PKHD1: variants seen among roughly 807,000 people sequenced by gnomAD.
PKHD1 encodes the protein PKHD1 ciliary IPT domain containing fibrocystin/polyductin, also known as fibrocystin.
PKHD1 carries 291 observed loss-of-function variants against 412.0 expected under a neutral mutation model. The observed-to-expected ratio is 0.71, with a 90% CI of 0.64 to 0.78. The LOEUF is 0.78. PKHD1 is among the 30% of genes least tolerant of loss of function. PKHD1 has a pLI of 0.00. For synonymous variants in PKHD1, 1,777 were observed against 1,821.5 expected, an observed-to-expected ratio of 0.98 and a Z score of 0.62; for missense variants, 4,825 against 4,950.7, an observed-to-expected ratio of 0.97 and a Z score of 0.76.
chr6:51,776,938 T>C (rs1050539578), intron 53 of PKHD1, among the ~76,000 whole-genome samples: 4 of 152,044 alleles, frequency 2.6e-5, no homozygotes, highest in Non-Finnish European at 5.9e-5. Context: ...TTAGTGAGTA[T>C]GGACCTGAGG....
intron 60 of PKHD1, among the ~76,000 whole-genome samples, chr6:51,682,515 G>A (rs1776824714): frequency 6.6e-6 from 1 of 152,030 alleles, no homozygotes; most frequent in Non-Finnish European, 1.5e-5. Context: ...TCTAGTCTCT[G>A]AGAATGAGTT....
At chr6:51,941,905 T>C (rs1788648227) in intron 36 of PKHD1, among the ~76,000 whole-genome samples, 1 of 151,542 alleles carries the variant, frequency 6.6e-6, no homozygotes, top group South Asian at 2.1e-4. Flanking sequence ...ATTACTTCAG[T>C]CAAGCCCAAA....
At chr6:51,895,353 T>C (rs569295164) in intron 43 of PKHD1, among the ~76,000 whole-genome samples, 1 of 152,210 alleles carries the variant, frequency 6.6e-6, no homozygotes, top group Non-Finnish European at 1.5e-5. Context: ...AAAAAAAGAC[T>C]GAATAACAGA....
At chr6:51,857,564 GAGGC>G (rs1412278625) in intron 48 of PKHD1, among the ~76,000 whole-genome samples, 2 of 152,124 alleles carry the variant, frequency 1.3e-5, no homozygotes, top group Non-Finnish European at 1.5e-5. Context: ...TTTTAAAATG[GAGGC>G]AACAATAGAA....
rs554906678 is a variant in PKHD1 at position 51,969,765 on chromosome 6, A to G, written c.5752-9739T>C. 5.9e-5 allele frequency among the ~76,000 whole-genome samples: 9 copies of G among 152,096 alleles called. No homozygotes were observed. In the East Asian group the frequency reaches 1.7e-3, roughly 29 times the overall value. ...AGAATTCCAATGTATGTGTGTATAT[A>G]TATGTGTACACACACACACACACAT... On this transcript the variant is annotated intron_variant, in intron 35 of 66. Coordinates refer to ENST00000371117, the MANE Select transcript of PKHD1 (RefSeq NM_138694.4).
chr6:51,921,453 C>T (rs1368741632), intron 37 of PKHD1, among the ~76,000 whole-genome samples: 4 of 152,090 alleles, frequency 2.6e-5, no homozygotes, highest in Admixed American at 2.0e-4. Flanking sequence ...CTCTGTATTT[C>T]CTGAATTTGA....
intron 63 of PKHD1, among the ~76,000 whole-genome samples, chr6:51,641,673 A>G (rs1562007052): frequency 6.6e-6 from 1 of 152,256 alleles, no homozygotes; most frequent in African/African-American, 2.4e-5. Context: ...CTGGATAAAG[A>G]AAATGTGGCA....
At chr6:51,864,200 T>C (rs965247) in intron 48 of PKHD1, among the ~76,000 whole-genome samples, 140,173 of 152,110 alleles carry the variant, frequency 0.92, 64,793 homozygotes, top group East Asian at 0.99. Context: ...AGCAGAGTGC[T>C]GAGAGATAAT....
intron 60 of PKHD1, among the ~76,000 whole-genome samples, chr6:51,663,040 G>A (rs953533942): frequency 1.3e-5 from 2 of 151,952 alleles, no homozygotes; most frequent in African/African-American, 4.8e-5. Flanking sequence ...GTCTTCAGAA[G>A]CATGGATCCA....
chr6:51,811,546 T>C (rs1203466251), intron 52 of PKHD1, among the ~76,000 whole-genome samples: 2 of 152,160 alleles, frequency 1.3e-5, no homozygotes, highest in Non-Finnish European at 2.9e-5. Flanking sequence ...AAGGAACATC[T>C]TAGCATGGCA....
chr6:52,039,468 G>C (rs1379325425), intron 27 of PKHD1, among the ~76,000 whole-genome samples: 1 of 152,208 alleles, frequency 6.6e-6, no homozygotes, highest in Non-Finnish European at 1.5e-5. Context: ...AGATGTGCTT[G>C]CTTCCCCTTC....
At chr6:52,067,850 G>A (rs940055302) in intron 11 of PKHD1, among the ~76,000 whole-genome samples, 4 of 152,236 alleles carry the variant, frequency 2.6e-5, no homozygotes, top group Admixed American at 2.6e-4. Context: ...AGCCATAAGA[G>A]GATGGTGAAT....
Position 51,659,975 on chromosome 6 carries a change from A to G in PKHD1, c.10157-6T>C, listed in dbSNP as rs1402532561. On this transcript the variant is annotated splice_region_variant and splice_polypyrimidine_tract_variant and intron_variant, in intron 60 of 66. Coordinates refer to ENST00000371117, the MANE Select transcript of PKHD1 (RefSeq NM_138694.4). The stretch of plus-strand genomic sequence containing the variant: ...CTGTTCTTCTCTAAATGTACCTATA[A>G]AAGAAAAGAAGCAAAACAAGTGATA... The G allele has an allele frequency of 6.4e-7, 1 of 1,567,092 alleles. No homozygotes were observed. The highest frequency in any genetic ancestry group is 8.8e-7 in the Non-Finnish European group (1 of 1,138,496).
At chr6:51,882,870 T>C (rs1385499825) in intron 46 of PKHD1, among the ~76,000 whole-genome samples, 1 of 152,252 alleles carries the variant, frequency 6.6e-6, no homozygotes, top group East Asian at 1.9e-4. Context: ...TTATGACTTC[T>C]GTGATTTATC....
At chr6:51,969,593 C>G (rs1468918779) in intron 35 of PKHD1, among the ~76,000 whole-genome samples, 1 of 152,072 alleles carries the variant, frequency 6.6e-6, no homozygotes, top group Admixed American at 6.5e-5. Context: ...GTCTATTATT[C>G]CACTATATCC....
At chr6:51,647,820 G>A (rs555345787) in intron 63 of PKHD1, among the ~76,000 whole-genome samples, 50 of 152,242 alleles carry the variant, frequency 3.3e-4, no homozygotes, top group Non-Finnish European at 5.9e-4. Flanking sequence ...AGGGAAGGGA[G>A]AGAAAAAGTG....
intron 63 of PKHD1, among the ~76,000 whole-genome samples, chr6:51,640,470 C>G (rs1769200010): frequency 6.6e-6 from 1 of 152,136 alleles, no homozygotes; most frequent in African/African-American, 2.4e-5. Context: ...TACATTACTC[C>G]AGGGTTCATC....
intron 55 of PKHD1, among the ~76,000 whole-genome samples, chr6:51,769,822 G>A (rs73738197): frequency 0.18 from 27,825 of 151,006 alleles, 3,322 homozygotes; most frequent in African/African-American, 0.34. Context: ...ATAATATCTC[G>A]TACGCTATAT....
intron 3 of PKHD1, 139 bp from the exon 4 acceptor site, chr6:52,082,681 T>C (rs567738863): frequency 3.8e-6 from 3 of 785,118 alleles, no homozygotes; most frequent in South Asian, 1.5e-5. Context: ...CATTTCCTCA[T>C]AGATGCTGTA....
Sources: gnomAD v4.1 joint callset for allele counts (sites outside exome capture counted in the v4.1 genomes callset) on GRCh38, gnomAD v4.1.1 for gene constraint, MANE v1.5 for transcripts, NCBI Gene and HGNC (gene_info 2026-07-23, HGNC 2026-07-21) for gene names.